The following NWD2 variants were observed in gnomAD, a reference collection of about 807,000 sequenced individuals.
NWD2 encodes NACHT and WD repeat domain containing 2, also known as NACHT and WD repeat domain-containing protein 2.
In NWD2, 37 loss-of-function variants were observed where a neutral mutation model predicts 132.7. That is an observed-to-expected ratio of 0.28 (90% CI 0.21 to 0.37). The LOEUF is 0.37. Among genes scored for constraint, NWD2 ranks in the 10% least tolerant of loss-of-function variants. The pLI is 1.00. For missense variants in NWD2, 1,592 were observed against 2,122.4 expected (o/e 0.75, Z 4.91); for synonymous variants, 705 against 803.0 (o/e 0.88, Z 2.06).
At position 37,429,523 on chromosome 4, in the gene NWD2, A is replaced by G. The variant is rs1008789231; in HGVS notation, c.358-1049A>G. 2.0e-5 allele frequency among the ~76,000 whole-genome samples: 3 copies of G among 151,860 alleles called. No homozygotes were observed. The East Asian group carries it at 5.9e-4, about 30-fold the overall frequency. ...TAGAGACGGGGTTTCATCATGTTGG[A>G]CAGGCTGGTCTTGAGCTCCTGGCCT... On this transcript the variant is annotated intron_variant, in intron 3 of 6. Transcript: ENST00000309447.
intron 3 of NWD2, among the ~76,000 whole-genome samples, chr4:37,428,155 A>AG (rs1275512709): frequency 1.3e-5 from 2 of 152,230 alleles, no homozygotes; most frequent in South Asian, 2.1e-4. Context: ...AGATCTACCA[A>AG]GGACTTCTCT....
chr4:37,387,648 A>G (rs1720590791), intron 3 of NWD2, among the ~76,000 whole-genome samples: 1 of 149,390 alleles, frequency 6.7e-6, no homozygotes, highest in African/African-American at 2.5e-5. Context: ...CCCAGCAGCC[A>G]GAGTAACCAC....
intron 1 of NWD2, among the ~76,000 whole-genome samples, chr4:37,313,959 G>A (rs1259962809): frequency 6.8e-6 from 1 of 147,992 alleles, no homozygotes; most frequent in Non-Finnish European, 1.5e-5. Flanking sequence ...GCCTCCCAAA[G>A]TACTGAGATT....
intron 3 of NWD2, among the ~76,000 whole-genome samples, chr4:37,376,328 G>T (rs1720349473): frequency 6.6e-6 from 1 of 152,152 alleles, no homozygotes; most frequent in Non-Finnish European, 1.5e-5. Context: ...AATTAGATAG[G>T]TGAAAGAAGG....
chr4:37,342,971 A>G (rs889424948), intron 2 of NWD2, among the ~76,000 whole-genome samples: 3 of 152,124 alleles, frequency 2.0e-5, no homozygotes, highest in African/African-American at 7.2e-5. Context: ...ATGTCTCATA[A>G]TCAAGAGAAT....
chr4:37,361,103 A>C (rs1185828212), intron 3 of NWD2, among the ~76,000 whole-genome samples: 4 of 152,174 alleles, frequency 2.6e-5, no homozygotes, highest in Non-Finnish European at 5.9e-5. Flanking sequence ...ATTCCTGGAA[A>C]CACAACCTCC....
intron 3 of NWD2, among the ~76,000 whole-genome samples, chr4:37,428,039 A>C (rs1164664047): frequency 2.0e-5 from 3 of 152,222 alleles, no homozygotes; most frequent in Non-Finnish European, 4.4e-5. Flanking sequence ...TAGTCAACAA[A>C]TGTGTTTTAA....
At chr4:37,431,631 C>T (rs1712182303) in intron 4 of NWD2, among the ~76,000 whole-genome samples, 1 of 152,102 alleles carries the variant, frequency 6.6e-6, no homozygotes, top group East Asian at 1.9e-4. Flanking sequence ...TCTTACCACC[C>T]ACCAAAACAA....
intron 5 of NWD2, among the ~76,000 whole-genome samples, chr4:37,436,615 G>T (rs796598841): frequency 2.6e-5 from 4 of 152,226 alleles, no homozygotes; most frequent in African/African-American, 9.6e-5. Flanking sequence ...GGGAGTCAAA[G>T]GTGGCAGAGC....
At position 37,274,906 on chromosome 4, in the gene NWD2, A is replaced by C. The variant is rs531076249; in HGVS notation, c.151+29688A>C. 2.6e-5 allele frequency among the ~76,000 whole-genome samples: 4 copies of C among 152,212 alleles called. No homozygotes were observed. In the Middle Eastern group the frequency reaches 0.014, roughly 518 times the overall value. ...ACCCTTCATGCTAAAAACTCAATAA[A>C]TTAGGTAATGATGGGACATATCTCA... On this transcript the variant is annotated intron_variant, in intron 1 of 6. Transcript: ENST00000309447.
chr4:37,443,266 C>T lies in NWD2; in HGVS notation c.1297-19C>T, dbSNP rs755965472. ...TGTGAATACATATTACCATTCTAAACTCCACTTTTGTGTTTCAGGCTTATG... is the reference window on the plus strand; with the variant it reads ...TGTGAATACATATTACCATTCTAAATTCCACTTTTGTGTTTCAGGCTTATG... On this transcript the variant is annotated intron_variant, in intron 6 of 6. Transcript: ENST00000309447. This position sits in a 1 kb window ranked among gnomAD's most constrained non-coding sequence, Gnocchi z 4.1. 1 of 1,538,512 alleles carries T rather than the reference C, an allele frequency of 6.5e-7. No individual in the cohort carries two copies. Among genetic ancestry groups the T allele is most frequent in the Admixed American group, 2.0e-5 (1 of 50,666 alleles).
intron 3 of NWD2, among the ~76,000 whole-genome samples, chr4:37,384,956 A>G (rs1323592158): frequency 1.3e-5 from 2 of 152,246 alleles, no homozygotes; most frequent in Non-Finnish European, 2.9e-5. Flanking sequence ...AATGGTAATT[A>G]GCACACGTTG....
At chr4:37,252,563 A>G (rs1717399000) in intron 1 of NWD2, among the ~76,000 whole-genome samples, 1 of 152,208 alleles carries the variant, frequency 6.6e-6, no homozygotes, top group African/African-American at 2.4e-5. Flanking sequence ...TATTTTGGGC[A>G]AGGCTTGGCT....
In NWD2 at chr4:37,447,033, T is replaced by C. The variant is rs1309606269; in HGVS notation, c.5045T>C (p.Phe1682Ser). 7.1e-6 allele frequency: 11 copies of C among 1,551,670 alleles called. No individual in the cohort carries two copies. The highest frequency in any genetic ancestry group is 9.6e-6 in the Non-Finnish European group (11 of 1,146,982). Residue 1682 changes from phenylalanine to serine, a missense_variant, in exon 7 of 7, where the codon TTT (phenylalanine) becomes TCT (serine). Coordinates refer to ENST00000309447, the MANE Select transcript of NWD2 (RefSeq NM_001144990.2). ...TSRPKCNSYC[F>S]KISVDCLWRE... ...AGGCCAAAGTGTAACAGTTATTGTTTTAAAATATCTGTGGATTGCTTATGG... is the reference window on the plus strand; with the variant it reads ...AGGCCAAAGTGTAACAGTTATTGTTCTAAAATATCTGTGGATTGCTTATGG...
At chr4:37,435,343 G>A (rs954672604) in intron 5 of NWD2, among the ~76,000 whole-genome samples, 1 of 152,198 alleles carries the variant, frequency 6.6e-6, no homozygotes, top group Non-Finnish European at 1.5e-5. Flanking sequence ...TGTGGGTGAA[G>A]CTCAGAGAAG....
rs1468461698 is a variant in NWD2, at chr4:37,244,927, G to A, written c.-141G>A. On this transcript the variant is annotated 5_prime_UTR_variant, in exon 1 of 7. Transcript: ENST00000309447. The surrounding 1 kb of genome is among the most constrained non-coding windows in gnomAD (Gnocchi z 5.5). Reference sequence around the variant, plus strand: ...GCTGTGCGCCACGGAGCTCGCCAAAGGCGCTTCGGGCTCGGAGCGGCTCTG... The same window carrying A: ...GCTGTGCGCCACGGAGCTCGCCAAAAGCGCTTCGGGCTCGGAGCGGCTCTG... 5 of 1,122,548 alleles carry A rather than the reference G, an allele frequency of 4.5e-6. No homozygotes were observed. The Admixed American group carries it at 1.4e-4, about 31-fold the overall frequency. The allele number at this position is 1,122,548 out of a possible 1,614,324, so 69.5% of individuals were successfully genotyped here.
chr4:37,349,696 C>T (rs1719722249), intron 2 of NWD2, among the ~76,000 whole-genome samples: 1 of 152,156 alleles, frequency 6.6e-6, no homozygotes, highest in Non-Finnish European at 1.5e-5. Context: ...TTAATTAGAT[C>T]CTATTTGTCA....
chr4:37,374,294 C>T (rs1429916028), intron 3 of NWD2, among the ~76,000 whole-genome samples: 6 of 152,328 alleles, frequency 3.9e-5, no homozygotes, highest in Non-Finnish European at 8.8e-5. Context: ...GTAAAAGCTT[C>T]CTGAGGTCCT....
At chr4:37,255,100 T>C (rs1368475848) in intron 1 of NWD2, among the ~76,000 whole-genome samples, 4 of 152,150 alleles carry the variant, frequency 2.6e-5, no homozygotes, top group Non-Finnish European at 4.4e-5. Context: ...TTGGTTGGTG[T>C]GGAAAGTTAG....
Sources: allele counts gnomAD v4.1 joint callset (sites outside exome capture counted in the v4.1 genomes callset), GRCh38; gene constraint gnomAD v4.1.1; non-coding constraint Gnocchi (gnomAD v3.1); transcripts MANE v1.5; gene names NCBI Gene and HGNC (gene_info 2026-07-23, HGNC 2026-07-21).